The following SLC6A5 variants were observed in gnomAD, a reference collection of about 807,000 sequenced individuals.
SLC6A5 encodes solute carrier family 6 member 5.
Under a neutral mutation model 90.5 loss-of-function variants are expected in SLC6A5, and 58 were observed. The ratio of observed to expected loss-of-function variants is 0.64; its 90% CI spans 0.52 to 0.80. The LOEUF is 0.80. SLC6A5 is among the 30% of genes least tolerant of loss of function. The pLI, the probability that SLC6A5 is intolerant of heterozygous loss-of-function variation, is 0.00. For missense variants in SLC6A5, 1,015 were observed against 1,017.6 expected (o/e 1.00, Z 0.03); for synonymous variants, 427 against 401.4 (o/e 1.06, Z -0.76).
chr11:20,635,697 T>C (rs1853191645), intron 10 of SLC6A5, among the ~76,000 whole-genome samples: 1 of 152,184 alleles, frequency 6.6e-6, no homozygotes, highest in Admixed American at 6.5e-5. Flanking sequence ...ATTCTGGTCA[T>C]GTTCCAACTT....
chr11:20,618,944 C>T (rs867222875), intron 7 of SLC6A5, among the ~76,000 whole-genome samples: 2 of 56,814 alleles, frequency 3.5e-5, no homozygotes, highest in African/African-American at 7.2e-5. Context: ...CTGTCCCGCC[C>T]GACACACACA....
chr11:20,602,773 A>C (rs1416450082), intron 2 of SLC6A5, among the ~76,000 whole-genome samples: 2 of 152,216 alleles, frequency 1.3e-5, no homozygotes, highest in Non-Finnish European at 2.9e-5. Flanking sequence ...ACTAGAAATA[A>C]ACATAGAATC....
chr11:20,637,118 A>C lies in SLC6A5; in HGVS notation c.1738-54A>C. 2.5e-6 allele frequency: 4 copies of C among 1,590,724 alleles called. No homozygotes were observed. In the South Asian group the frequency reaches 4.4e-5, roughly 18 times the overall value. Reference sequence around the variant, plus strand: ...TGGGACATACAAAGGGCTTGGGGGTACCTCCTGGGTGGTACAATTTGACTC... The same window carrying C: ...TGGGACATACAAAGGGCTTGGGGGTCCCTCCTGGGTGGTACAATTTGACTC... On this transcript the variant is annotated intron_variant, in intron 11 of 15. Coordinates refer to ENST00000525748, the MANE Select transcript of SLC6A5 (RefSeq NM_004211.5).
intron 14 of SLC6A5, among the ~76,000 whole-genome samples, chr11:20,647,223 A>G (rs1013170619): frequency 4.6e-5 from 6 of 130,204 alleles, no homozygotes; most frequent in African/African-American, 1.6e-4. Context: ...ATATATATAT[A>G]TAAATTTATA....
chr11:20,603,966 G>A (rs186891566), intron 2 of SLC6A5, among the ~76,000 whole-genome samples: 5 of 152,136 alleles, frequency 3.3e-5, no homozygotes, highest in Admixed American at 1.3e-4. Context: ...ACAGGTTCAA[G>A]GTTTGGGGAG....
intron 2 of SLC6A5, among the ~76,000 whole-genome samples, chr11:20,603,925 G>A (rs1381403098): frequency 6.6e-6 from 1 of 151,978 alleles, no homozygotes; most frequent in Non-Finnish European, 1.5e-5. Context: ...GTAAGGGGTT[G>A]GGGATGGAGG....
chr11:20,626,669 G>A (rs773909980), intron 7 of SLC6A5, 39 bp from the exon 8 acceptor site: 1 of 1,612,642 alleles, frequency 6.2e-7, no homozygotes, highest in Admixed American at 1.7e-5. Context: ...CACTCTGCAG[G>A]GCTGCTTCTT....
At chr11:20,601,816 A>C in intron 2 of SLC6A5, 151 bp downstream of exon 2, 1 of 854,012 alleles carries the variant, frequency 1.2e-6, no homozygotes, top group South Asian at 1.6e-5. Flanking sequence ...GGGGCTTCGG[A>C]AGCTCGCACT....
chr11:20,636,879 A>G (rs1853218013), intron 11 of SLC6A5, among the ~76,000 whole-genome samples: 1 of 152,084 alleles, frequency 6.6e-6, no homozygotes, highest in African/African-American at 2.4e-5. Flanking sequence ...GAGGAGAGGA[A>G]TTTACATCTC....
chr11:20,600,396 GAAGAAGAAGAA>G (rs1252655138), intron 1 of SLC6A5, among the ~76,000 whole-genome samples: 6 of 142,308 alleles, frequency 4.2e-5, no homozygotes, highest in Non-Finnish European at 7.8e-5. Flanking sequence ...AGAAGAAGAA[GAAGAAGAAGAA>G]GAAGACCTAA....
rs986139740 is a variant in SLC6A5, at chr11:20,599,752, C to T, written c.3+77C>T. 50 of 1,554,504 alleles carry T rather than the reference C, an allele frequency of 3.2e-5. No homozygotes were observed. The African/African-American group carries it at 5.2e-4, about 16-fold the overall frequency. ...GAAAGCAGATTCGTTTTGGCTATTT[C>T]TTTTGGAGATGTCTGTGCATTGGGT... is the stretch of plus-strand genomic sequence containing the variant. On this transcript the variant is annotated intron_variant, in intron 1 of 15. Transcript: ENST00000525748.
intron 2 of SLC6A5, among the ~76,000 whole-genome samples, chr11:20,603,241 T>G (rs7130682): frequency 0.98 from 149,910 of 152,256 alleles, 73,851 homozygotes; most frequent in Middle Eastern, 1. Flanking sequence ...AAACTGTGTG[T>G]TGGCCTGAGT....
At position 20,652,353 on chromosome 11, in the gene SLC6A5, AC is replaced by A; in HGVS notation, c.2136del (p.Trp713GlyfsTer8). ...ACCTATGGCTCTTACCGCTATCCTAACTGGTCCATGGTGCTCGGATGGCTAA... is the reference window on the plus strand; with the variant it reads ...ACCTATGGCTCTTACCGCTATCCTAATGGTCCATGGTGCTCGGATGGCTAA... ...PMTYGSYRYP[N>X]WSMVLGWLML... On this transcript the variant is annotated frameshift_variant, in exon 15 of 16. Transcript: ENST00000525748. LOFTEE classifies it high-confidence loss of function. 6.2e-7 allele frequency: 1 copy of A among 1,613,942 alleles called. No homozygotes were observed.
chr11:20,601,102 T>G, intron 1 of SLC6A5, 27 bp from the exon 2 acceptor site: 2 of 1,574,008 alleles, frequency 1.3e-6, no homozygotes, highest in Non-Finnish European at 1.7e-6. Context: ...GACTTTGTTT[T>G]GCACGAACTT....
At chr11:20,601,101 T>A in intron 1 of SLC6A5, 28 bp from the exon 2 acceptor site, 5 of 1,573,314 alleles carry the variant, frequency 3.2e-6, no homozygotes, top group Non-Finnish European at 4.3e-6. Context: ...TGACTTTGTT[T>A]TGCACGAACT....
intron 10 of SLC6A5, among the ~76,000 whole-genome samples, chr11:20,632,351 G>A (rs1450078595): frequency 1.5e-4 from 23 of 152,148 alleles, no homozygotes; most frequent in Admixed American, 1.5e-3. Flanking sequence ...AAATGATTCT[G>A]AACTCTTTTC....
intron 14 of SLC6A5, among the ~76,000 whole-genome samples, chr11:20,651,400 A>G (rs969027142): frequency 6.6e-6 from 1 of 150,764 alleles, no homozygotes; most frequent in Admixed American, 6.6e-5. Flanking sequence ...CAGCCTCCCA[A>G]GTAGCTGGGA....
At chr11:20,633,010 C>G (rs899197991) in intron 10 of SLC6A5, among the ~76,000 whole-genome samples, 5 of 152,002 alleles carry the variant, frequency 3.3e-5, no homozygotes, top group South Asian at 2.1e-4. Flanking sequence ...AGAGACCAAG[C>G]TGTGTTTTGC....
At chr11:20,623,056 G>A (rs1222872528) in intron 7 of SLC6A5, among the ~76,000 whole-genome samples, 1 of 152,184 alleles carries the variant, frequency 6.6e-6, no homozygotes, top group African/African-American at 2.4e-5. Context: ...AGAGAAGCAG[G>A]TTTGGAAGAA....
Sources: allele counts gnomAD v4.1 joint callset (sites outside exome capture counted in the v4.1 genomes callset), GRCh38; gene constraint gnomAD v4.1.1; transcripts MANE v1.5; gene names NCBI Gene and HGNC (gene_info 2026-07-23, HGNC 2026-07-21).